The following EPG5 variants were observed in gnomAD, a reference collection of about 807,000 sequenced individuals.
EPG5 encodes the protein ectopic P-granules 5 autophagy tethering factor, also known as ectopic P granules protein 5 homolog.
EPG5 carries 159 observed loss-of-function variants against 302.7 expected under a neutral mutation model. The observed-to-expected ratio is 0.53, with a 90% confidence interval of 0.46 to 0.60. EPG5 has a LOEUF of 0.60. Ranked by LOEUF, EPG5 falls within the 20% of genes least tolerant of loss-of-function variation. The pLI, the probability that EPG5 is intolerant of heterozygous loss-of-function variation, is 0.00. For missense variants in EPG5, 2,896 were observed against 3,092.4 expected (o/e 0.94, Z 1.51); for synonymous variants, 1,158 against 1,136.8 (o/e 1.02, Z -0.37).
intron 4 of EPG5, 107 bp downstream of exon 4, chr18:45,950,991 CAAAT>C (rs2050895851): frequency 1.2e-6 from 1 of 822,402 alleles, no homozygotes; most frequent in South Asian, 3.6e-5. Flanking sequence ...ATAAACTCAT[CAAAT>C]AAATTAGCTG....
intron 38 of EPG5, 66 bp downstream of exon 38, chr18:45,866,732 G>A: frequency 7.9e-7 from 1 of 1,270,278 alleles, no homozygotes. Context: ...ACTGTCCTTT[G>A]TAGCACTTAT....
chr18:45,944,225 T>C, intron 7 of EPG5, 106 bp from the exon 8 acceptor site: 1 of 698,594 alleles, frequency 1.4e-6, no homozygotes, highest in South Asian at 1.6e-5. Context: ...ATACATGTGA[T>C]ATCCTCATGA....
intron 1 of EPG5, among the ~76,000 whole-genome samples, chr18:45,961,849 ACT>A (rs1476458291): frequency 7.4e-6 from 1 of 135,374 alleles, no homozygotes; most frequent in Non-Finnish European, 1.5e-5. Context: ...CAACAGTGAG[ACT>A]CTGTCCCAAA....
chr18:45,872,704 C>CA (rs1165754872), intron 35 of EPG5, among the ~76,000 whole-genome samples: 36 of 149,922 alleles, frequency 2.4e-4, no homozygotes, highest in African/African-American at 7.8e-4. Context: ...ACTCCTTGTC[C>CA]AAAAAAAAAG....
rs995126701 is a variant in EPG5 at position 45,849,746 on chromosome 18, T to A, written c.*2721A>T. On this transcript the variant is annotated 3_prime_UTR_variant, in exon 44 of 44. Coordinates refer to ENST00000282041, the MANE Select transcript of EPG5 (RefSeq NM_020964.3). ...CCCAGTGGGGCAGAGGCATGCGATGTCTGAGCCAACAAAGGATGGTGAGAC... is the reference window on the plus strand; with the variant it reads ...CCCAGTGGGGCAGAGGCATGCGATGACTGAGCCAACAAAGGATGGTGAGAC... The A allele has an allele frequency of 6.6e-6, 1 of 152,244 alleles. No individual in the cohort carries two copies. Among genetic ancestry groups the A allele is most frequent in the African/African-American group, 2.4e-5 (1 of 41,436 alleles). 9.4% of individuals were successfully genotyped at this position (152,244 alleles called of 1,614,324 possible). A position where few individuals can be genotyped will look rare whatever the true frequency, so the allele number is the denominator to read the frequency against.
chr18:45,813,051 A>G, the EPG5 span, among the ~76,000 whole-genome samples: 4 of 152,240 alleles, frequency 2.6e-5, no homozygotes, highest in Non-Finnish European at 4.4e-5. Flanking sequence ...AGAATCTACA[A>G]TGAACTCAAA....
chr18:45,925,983 G>T, intron 13 of EPG5, 81 bp from the exon 14 acceptor site: 1 of 934,610 alleles, frequency 1.1e-6, no homozygotes, highest in Non-Finnish European at 1.4e-6. Context: ...TTATTAAACT[G>T]CTTGTAAAAA....
the EPG5 span, chr18:45,837,820 C>T: frequency 6.5e-7 from 1 of 1,535,182 alleles, no homozygotes. Flanking sequence ...ACCGCCGCTA[C>T]TTCTGCCGCG....
At position 45,930,783 on chromosome 18, in the gene EPG5, T is replaced by C; in HGVS notation, c.2305A>G (p.Ser769Gly). ...GTCAGAAGGCAAATCTCTTCTGAGC[T>C]ATTCATAGAAGAAAGACACTTCTCA... ...NFEKCLSSMN[S>G]SEEICLLTTF... Residue 769 changes from serine to glycine, a missense_variant, in exon 12 of 44, where the codon AGC becomes GGC. Coordinates refer to ENST00000282041, the MANE Select transcript of EPG5 (RefSeq NM_020964.3). The C allele has an allele frequency of 2.5e-6, 4 of 1,607,726 alleles. No homozygotes were observed. Among genetic ancestry groups the C allele is most frequent in the Non-Finnish European group, 3.4e-6 (4 of 1,177,962 alleles).
In EPG5 at chr18:45,876,110, C is replaced by T. The variant is rs9950550; in HGVS notation, c.6049+126G>A. 0.06 allele frequency: 38,695 copies of T among 644,546 alleles called. 4,722 individuals are homozygous for T. Among genetic ancestry groups the T allele is most frequent in the African/African-American group, 0.39 (21,210 of 53,962 alleles). 39.9% of individuals were successfully genotyped at this position (644,546 alleles called of 1,614,324 possible). ...ACTTAACACTAAATAATTGTATCAG[C>T]GACTTTTCTTCAGTCACAAATAACT... On this transcript the variant is annotated intron_variant, in intron 35 of 43. Coordinates refer to ENST00000282041, the MANE Select transcript of EPG5 (RefSeq NM_020964.3).
the EPG5 span, among the ~76,000 whole-genome samples, chr18:45,804,967 G>A: frequency 5.3e-4 from 81 of 152,174 alleles, no homozygotes; most frequent in Non-Finnish European, 9.4e-4. Flanking sequence ...GGACCTATAC[G>A]ATTGCAAGGT....
Position 45,848,801 on chromosome 18 carries a change from G to A in EPG5, c.*3666C>T, listed in dbSNP as rs1347361385. The A allele has an allele frequency of 1.3e-5, 2 of 152,314 alleles. No homozygotes were observed. Among genetic ancestry groups the A allele is most frequent in the Non-Finnish European group, 2.9e-5 (2 of 68,126 alleles). 9.4% of individuals were successfully genotyped at this position (152,314 alleles called of 1,614,324 possible). A position where few individuals can be genotyped will look rare whatever the true frequency, so the allele number is the denominator to read the frequency against. On this transcript the variant is annotated 3_prime_UTR_variant, in exon 44 of 44. Coordinates refer to ENST00000282041, the MANE Select transcript of EPG5 (RefSeq NM_020964.3). Reference sequence around the variant, plus strand: ...AGGTCTAACTAAAGACATTGCAGGGGAGATGGGCGCGGTGGCTCACGCCTG... The same window carrying A: ...AGGTCTAACTAAAGACATTGCAGGGAAGATGGGCGCGGTGGCTCACGCCTG...
intron 36 of EPG5, among the ~76,000 whole-genome samples, chr18:45,869,513 TCTAA>T (rs527334171): frequency 2.3e-3 from 348 of 152,356 alleles, no homozygotes; most frequent in African/African-American, 8.1e-3. Context: ...TGTGCTACTA[TCTAA>T]TCTGTCTTAT....
chr18:45,925,435 C>T (rs1457467220), intron 14 of EPG5, among the ~76,000 whole-genome samples: 8 of 151,874 alleles, frequency 5.3e-5, no homozygotes, highest in East Asian at 1.9e-4. Context: ...ATAGTGCCAC[C>T]GCACTCCAGC....
chr18:45,962,802 T>C (rs1234574399), intron 1 of EPG5, among the ~76,000 whole-genome samples: 2 of 152,212 alleles, frequency 1.3e-5, no homozygotes, highest in Non-Finnish European at 2.9e-5. Flanking sequence ...TTCATTAATA[T>C]AGGACTTTAT....
chr18:45,948,703 A>C (rs946140956), intron 5 of EPG5, 127 bp from the exon 6 acceptor site: 2 of 698,104 alleles, frequency 2.9e-6, no homozygotes, highest in Admixed American at 2.2e-5. Flanking sequence ...TACCTAATAC[A>C]CAAGAGTAAA....
the EPG5 span, chr18:45,840,894 C>T: frequency 2.6e-5 from 4 of 152,374 alleles, no homozygotes; most frequent in Admixed American, 2.0e-4. Flanking sequence ...AGTCCCACAA[C>T]CTGTCCTGTG....
chr18:45,939,551 C>T (rs1323978109), intron 10 of EPG5, 49 bp downstream of exon 10: 2 of 1,558,876 alleles, frequency 1.3e-6, no homozygotes, highest in South Asian at 1.1e-5. Context: ...ATGGTTCTTA[C>T]TAGTGAGGAA....
At chr18:45,840,358 T>G in the EPG5 span, 6 of 1,199,496 alleles carry the variant, frequency 5.0e-6, no homozygotes, top group Non-Finnish European at 7.0e-6. Context: ...GGTCCTACTT[T>G]GACCAGGGGC....
Sources: gnomAD v4.1 joint callset for allele counts (sites outside exome capture counted in the v4.1 genomes callset) on GRCh38, gnomAD v4.1.1 for gene constraint, MANE v1.5 for transcripts, NCBI Gene and HGNC (gene_info 2026-07-23, HGNC 2026-07-21) for gene names.